The following RPTOR variants were observed in gnomAD, a reference collection of about 807,000 sequenced individuals.
RPTOR encodes the protein regulatory-associated protein of mTOR.
Under a neutral mutation model 169.9 loss-of-function variants are expected in RPTOR, and 21 were observed. The observed-to-expected ratio is 0.12, with a 90% CI of 0.09 to 0.18. RPTOR has a LOEUF of 0.18. RPTOR is among the 10% of genes least tolerant of loss of function. The pLI is 1.00. For synonymous variants in RPTOR, 732 were observed against 753.2 expected, an observed-to-expected ratio of 0.97 and a Z score of 0.46; for missense variants, 1,133 against 1,855.9, an observed-to-expected ratio of 0.61 and a Z score of 7.16.
In RPTOR at chr17:80,746,167, A is replaced by G. The variant is rs2066571420; in HGVS notation, c.655-7843A>G. ...ACAAGAGCAAACCTCCATCTCAAAA[A>G]AAAAAAAAAAAGTGCAGTGCAGGTG... is the stretch of plus-strand genomic sequence containing the variant. On this transcript the variant is annotated intron_variant, in intron 5 of 33. Transcript: ENST00000306801. The surrounding 1 kb of genome is among the most constrained non-coding windows in gnomAD (Gnocchi z 4.5). Among the ~76,000 whole-genome samples the G allele has an allele frequency of 6.6e-6, 1 of 151,200 alleles. No homozygotes were observed. Among genetic ancestry groups the G allele is most frequent in the Non-Finnish European group, 1.5e-5 (1 of 67,728 alleles).
chr17:80,913,601 C>T (rs2068637545), intron 21 of RPTOR, among the ~76,000 whole-genome samples: 1 of 152,084 alleles, frequency 6.6e-6, no homozygotes, highest in African/African-American at 2.4e-5. Context: ...TACAGGGGCG[C>T]ACCACCATGC....
intron 13 of RPTOR, among the ~76,000 whole-genome samples, chr17:80,876,213 C>T (rs1331302645): frequency 1.8e-4 from 17 of 92,884 alleles, no homozygotes; most frequent in Admixed American, 4.0e-4. Context: ...CCACCGAACC[C>T]GTGCCACGCA....
At chr17:80,869,347 G>C (rs758908205) in intron 13 of RPTOR, among the ~76,000 whole-genome samples, 1 of 152,038 alleles carries the variant, frequency 6.6e-6, no homozygotes, top group Non-Finnish European at 1.5e-5. Context: ...TTCAGTGGAC[G>C]AGGTTTCCCA....
intron 28 of RPTOR, among the ~76,000 whole-genome samples, chr17:80,951,817 C>T (rs1469889121): frequency 1.3e-5 from 2 of 152,220 alleles, no homozygotes; most frequent in Non-Finnish European, 2.9e-5. Flanking sequence ...TGTGCCATGT[C>T]CCCCATGCCG....
intron 7 of RPTOR, among the ~76,000 whole-genome samples, chr17:80,793,050 A>T (rs372704050): frequency 1.2e-4 from 19 of 152,112 alleles, no homozygotes; most frequent in Non-Finnish European, 1.5e-5. Context: ...GCCTCAAGCG[A>T]TCCTCCCACC....
chr17:80,586,671 C>T (rs535444822), intron 1 of RPTOR, among the ~76,000 whole-genome samples: 4 of 152,286 alleles, frequency 2.6e-5, no homozygotes, highest in African/African-American at 9.6e-5. Context: ...TGAAGAGCAG[C>T]CCCGGGCGCT....
At chr17:80,577,685 C>T (rs1316025138) in intron 1 of RPTOR, among the ~76,000 whole-genome samples, 1 of 152,188 alleles carries the variant, frequency 6.6e-6, no homozygotes, top group African/African-American at 2.4e-5. Flanking sequence ...AGCAGGGTGT[C>T]ATGGCCAGGG....
chr17:80,554,279 A>C (rs370823929), intron 1 of RPTOR, among the ~76,000 whole-genome samples: 99 of 152,204 alleles, frequency 6.5e-4, no homozygotes, highest in African/African-American at 2.3e-3. Context: ...ATTGCAACAG[A>C]TCTTTAAGAA....
intron 3 of RPTOR, among the ~76,000 whole-genome samples, chr17:80,667,792 T>G (rs1208135308): frequency 6.6e-6 from 1 of 152,248 alleles, no homozygotes; most frequent in Non-Finnish European, 1.5e-5. Flanking sequence ...TGGAAAGATT[T>G]TCAGTGAAAT....
intron 5 of RPTOR, among the ~76,000 whole-genome samples, chr17:80,738,171 G>T (rs1443881138): frequency 5.9e-5 from 9 of 152,212 alleles, no homozygotes; most frequent in Non-Finnish European, 1.0e-4. Flanking sequence ...GCCCCAGGGG[G>T]AGCAGGCAGC....
intron 25 of RPTOR, among the ~76,000 whole-genome samples, chr17:80,944,591 C>T (rs747069859): frequency 1.4e-4 from 22 of 152,202 alleles, no homozygotes; most frequent in Non-Finnish European, 2.6e-4. Flanking sequence ...GTGGTCAGGC[C>T]CCTCCCTTCA....
chr17:80,694,166 T>G (rs926827815), intron 3 of RPTOR, among the ~76,000 whole-genome samples: 1 of 152,238 alleles, frequency 6.6e-6, no homozygotes, highest in African/African-American at 2.4e-5. Flanking sequence ...CTCAGGTGCC[T>G]CATCTGGGGC....
chr17:80,935,164 A>G (rs1319926696), intron 24 of RPTOR, among the ~76,000 whole-genome samples: 3 of 152,206 alleles, frequency 2.0e-5, no homozygotes, highest in Non-Finnish European at 4.4e-5. Flanking sequence ...AAAATATGTG[A>G]AAGATATGTA....
At chr17:80,676,632 A>G (rs1024260406) in intron 3 of RPTOR, among the ~76,000 whole-genome samples, 5 of 152,202 alleles carry the variant, frequency 3.3e-5, no homozygotes, top group African/African-American at 1.2e-4. Context: ...TACTGCATAC[A>G]GTTGGATTTT....
chr17:80,607,258 T>C (rs2065236028), intron 1 of RPTOR, among the ~76,000 whole-genome samples: 1 of 152,208 alleles, frequency 6.6e-6, no homozygotes, highest in South Asian at 2.1e-4. Context: ...CTGAAAACTA[T>C]TTAAACATTT....
chr17:80,822,117 G>A (rs936295878), intron 7 of RPTOR, 84 bp from the exon 8 acceptor site: 41 of 1,283,132 alleles, frequency 3.2e-5, no homozygotes, highest in African/African-American at 5.8e-5. Flanking sequence ...TTCGCCGCCC[G>A]CGCCCTTTTT....
intron 7 of RPTOR, among the ~76,000 whole-genome samples, chr17:80,793,830 C>G (rs1383344462): frequency 1.3e-5 from 2 of 152,332 alleles, no homozygotes; most frequent in Non-Finnish European, 2.9e-5. Context: ...GTCAAACTAC[C>G]TTATTTTACT....
At chr17:80,839,214 C>T (rs1454405349) in intron 10 of RPTOR, among the ~76,000 whole-genome samples, 3 of 152,206 alleles carry the variant, frequency 2.0e-5, no homozygotes, top group Admixed American at 6.5e-5. Flanking sequence ...GTTTTAACTC[C>T]TCAGATGATT....
intron 1 of RPTOR, among the ~76,000 whole-genome samples, chr17:80,578,217 G>A (rs189997389): frequency 2.0e-5 from 3 of 152,148 alleles, no homozygotes; most frequent in African/African-American, 7.2e-5. Context: ...TGAGTGGTTG[G>A]GGGGGTGGTA....
Sources: allele counts gnomAD v4.1 joint callset (sites outside exome capture counted in the v4.1 genomes callset), GRCh38; gene constraint gnomAD v4.1.1; non-coding constraint Gnocchi (gnomAD v3.1); transcripts MANE v1.5; gene names NCBI Gene and HGNC (gene_info 2026-07-23, HGNC 2026-07-21).